The following CALN1 variants were observed in gnomAD, a reference collection of about 807,000 sequenced individuals.
The protein encoded by CALN1 is calneuron 1.
Under a neutral mutation model 30.6 loss-of-function variants are expected in CALN1, and 17 were observed. The observed-to-expected ratio is 0.56, with a 90% confidence interval of 0.38 to 0.83. The LOEUF (loss-of-function observed/expected upper bound fraction) is 0.83. CALN1 is among the 40% of genes least tolerant of loss of function. The probability of loss-of-function intolerance (pLI) is 0.00; values close to 1 mark genes in which losing one functional copy is unlikely to be tolerated. For synonymous variants in CALN1, 156 were observed against 131.4 expected (o/e 1.19, Z -1.28); for missense variants, 291 against 354.9 (o/e 0.82, Z 1.45).
At chr7:72,406,027 G>C (rs927912013) in intron 1 of CALN1, among the ~76,000 whole-genome samples, 1 of 152,196 alleles carries the variant, frequency 6.6e-6, no homozygotes, top group Non-Finnish European at 1.5e-5. Context: ...GAAGGTGGCA[G>C]CTCCCCGTAA....
chr7:72,294,994 A>T (rs1308584275), intron 2 of CALN1, among the ~76,000 whole-genome samples: 1 of 152,014 alleles, frequency 6.6e-6, no homozygotes, highest in Admixed American at 6.6e-5. Context: ...CAGCATACGT[A>T]TTTAAAAAGT....
At chr7:72,011,077 C>T (rs531331523) in intron 5 of CALN1, among the ~76,000 whole-genome samples, 4 of 151,192 alleles carry the variant, frequency 2.6e-5, no homozygotes, top group East Asian at 2.0e-4. Flanking sequence ...TGCTTGAACC[C>T]GGGAGGCAGA....
intron 5 of CALN1, among the ~76,000 whole-genome samples, chr7:71,903,297 A>G (rs2116955007): frequency 6.6e-6 from 1 of 152,272 alleles, no homozygotes; most frequent in East Asian, 1.9e-4. Context: ...CCTAACTTCA[A>G]AAAAATACTA....
At chr7:71,875,377 A>G (rs755975106) in intron 5 of CALN1, among the ~76,000 whole-genome samples, 1 of 152,178 alleles carries the variant, frequency 6.6e-6, no homozygotes, top group Non-Finnish European at 1.5e-5. Flanking sequence ...ATTTCTAGGC[A>G]GGAACTGCAG....
chr7:71,988,322 A>G (rs911900444), intron 5 of CALN1, among the ~76,000 whole-genome samples: 1 of 152,210 alleles, frequency 6.6e-6, no homozygotes, highest in African/African-American at 2.4e-5. Flanking sequence ...AGAAGCAGCC[A>G]GTTGGCTCCA....
At chr7:72,011,982 A>G (rs569979894) in intron 5 of CALN1, among the ~76,000 whole-genome samples, 2 of 152,292 alleles carry the variant, frequency 1.3e-5, no homozygotes, top group South Asian at 2.1e-4. Flanking sequence ...GGGCGTCTAC[A>G]GTTCACATCA....
intron 5 of CALN1, among the ~76,000 whole-genome samples, chr7:71,969,480 AATCATG>A: frequency 6.6e-6 from 1 of 152,298 alleles, no homozygotes; most frequent in East Asian, 1.9e-4. Flanking sequence ...TACATAAATA[AATCATG>A]ACAGTGTCTC....
chr7:71,936,399 C>CAAA (rs745646988), intron 5 of CALN1, among the ~76,000 whole-genome samples: 16 of 74,614 alleles, frequency 2.1e-4, no homozygotes, highest in East Asian at 9.7e-4. Context: ...GACTCAGTCT[C>CAAA]AAAAAAAAAA....
rs1402372161 is a variant in CALN1 at position 72,000,694 on chromosome 7, A to T, written c.501+22963T>A. ...ATAGAAACACTTACTAATTCATTTT[A>T]CAAGGCCTCATAACAAAACCAGACA... On this transcript the variant is annotated intron_variant, in intron 5 of 6. Transcript: ENST00000395275. Among the ~76,000 whole-genome samples, 5 of 152,310 alleles carry T rather than the reference A, an allele frequency of 3.3e-5. No homozygotes were observed. The East Asian group carries it at 9.6e-4, about 29-fold the overall frequency.
At chr7:72,296,768 G>T (rs976323801) in intron 2 of CALN1, among the ~76,000 whole-genome samples, 2 of 150,266 alleles carry the variant, frequency 1.3e-5, no homozygotes, top group Admixed American at 6.7e-5. Context: ...TATTAGTCTT[G>T]CTAGCGGTCT....
chr7:72,222,936 G>A (rs941976329), intron 3 of CALN1, among the ~76,000 whole-genome samples: 7 of 152,100 alleles, frequency 4.6e-5, no homozygotes, highest in South Asian at 2.1e-4. Context: ...CAGGAGGATC[G>A]CTTCAGCCCA....
chr7:72,357,917 G>C (rs1288705227), intron 2 of CALN1, among the ~76,000 whole-genome samples: 5 of 149,760 alleles, frequency 3.3e-5, no homozygotes, highest in Admixed American at 2.7e-4. Flanking sequence ...GGATTCTCTT[G>C]CATCAGCCTC....
chr7:71,994,449 T>A (rs1163136665), intron 5 of CALN1, among the ~76,000 whole-genome samples: 1 of 148,584 alleles, frequency 6.7e-6, no homozygotes, highest in African/African-American at 2.5e-5. Flanking sequence ...GAGGCAGAGG[T>A]TGCCGTGAGC....
chr7:72,248,733 C>CA (rs1795353143), intron 3 of CALN1, among the ~76,000 whole-genome samples: 1 of 151,860 alleles, frequency 6.6e-6, no homozygotes, highest in Non-Finnish European at 1.5e-5. Flanking sequence ...AATTAGGACA[C>CA]GCACATCTTT....
At chr7:72,078,032 T>C (rs966806206) in intron 4 of CALN1, among the ~76,000 whole-genome samples, 1 of 152,144 alleles carries the variant, frequency 6.6e-6, no homozygotes, top group South Asian at 2.1e-4. Context: ...GAAGGTACAG[T>C]TGCCATAGCA....
chr7:71,844,062 A>G (rs909344648), intron 5 of CALN1, among the ~76,000 whole-genome samples: 2 of 152,136 alleles, frequency 1.3e-5, no homozygotes, highest in African/African-American at 4.8e-5. Context: ...TGGAGTTGGG[A>G]CAGTCATGTC....
rs185145773 is a variant in CALN1 at position 72,037,844 on chromosome 7, C to T, written c.389-14075G>A. 3.6e-4 allele frequency among the ~76,000 whole-genome samples: 55 copies of T among 152,322 alleles called. No homozygotes were observed. In the East Asian group the frequency reaches 9.1e-3, roughly 25 times the overall value. On this transcript the variant is annotated intron_variant, in intron 4 of 6. Transcript: ENST00000395275. ...AGGTCTTTTCTGTGCCTGTACATTT[C>T]CCTGGGCCTGTGTAGTCACTTTCTA...
At chr7:72,337,258 G>A (rs1400611032) in intron 2 of CALN1, 6 of 985,124 alleles carry the variant, frequency 6.1e-6, no homozygotes, top group Non-Finnish European at 7.2e-6. Flanking sequence ...CGGCGCCCGC[G>A]TTCAGGAGCC....
At chr7:72,093,658 G>A (rs1806024847) in intron 4 of CALN1, among the ~76,000 whole-genome samples, 1 of 152,164 alleles carries the variant, frequency 6.6e-6, no homozygotes, top group Non-Finnish European at 1.5e-5. Context: ...TGGGATGGCT[G>A]CTTCTGAACA....
Sources: allele counts gnomAD v4.1 joint callset (sites outside exome capture counted in the v4.1 genomes callset), GRCh38; gene constraint gnomAD v4.1.1; transcripts MANE v1.5; gene names NCBI Gene and HGNC (gene_info 2026-07-23, HGNC 2026-07-21).